Variants in ITGA8 observed in about 807,000 individuals in gnomAD.
ITGA8 encodes the protein integrin subunit alpha 8.
A neutral mutation model predicts 142.3 loss-of-function variants in ITGA8; 91 were observed. The observed-to-expected ratio is 0.64, with a 90% CI of 0.54 to 0.76. The LOEUF is 0.76. ITGA8 is among the 30% of genes least tolerant of loss of function. The pLI is 0.00. For synonymous variants in ITGA8, 505 were observed against 485.2 expected, an observed-to-expected ratio of 1.04 and a Z score of -0.54; for missense variants, 1,406 against 1,327.7, an observed-to-expected ratio of 1.06 and a Z score of -0.92.
intron 13 of ITGA8, among the ~76,000 whole-genome samples, chr10:15,625,258 C>T (rs1266926992): frequency 6.6e-6 from 1 of 152,180 alleles, no homozygotes; most frequent in Non-Finnish European, 1.5e-5. Flanking sequence ...CAAAAAATAA[C>T]AGCAGAATAT....
At chr10:15,548,312 C>CG (rs2131557598) in intron 27 of ITGA8, 143 bp downstream of exon 27, 1 of 626,384 alleles carries the variant, frequency 1.6e-6, no homozygotes, top group Admixed American at 3.6e-5. Context: ...AGGCTTGTCT[C>CG]GAGCTCCTGG....
chr10:15,647,449 G>GTT (rs71505078), intron 11 of ITGA8, among the ~76,000 whole-genome samples: 5,873 of 91,542 alleles, frequency 0.064, 356 homozygotes, highest in Non-Finnish European at 0.083. Context: ...AAATTATTCA[G>GTT]TTTTTTTTTT....
intron 14 of ITGA8, among the ~76,000 whole-genome samples, chr10:15,616,299 G>A (rs1160856467): frequency 3.9e-5 from 6 of 152,130 alleles, no homozygotes; most frequent in African/African-American, 7.2e-5. Flanking sequence ...CTTATTTAAT[G>A]TTATGTTCAT....
chr10:15,533,913 C>T (rs1833364331), intron 27 of ITGA8, among the ~76,000 whole-genome samples: 1 of 146,698 alleles, frequency 6.8e-6, no homozygotes, highest in African/African-American at 2.5e-5. Context: ...CATCACCAAT[C>T]TTTTTTTTTT....
rs67683436 is a variant in ITGA8, at chr10:15,549,201, G to GTTTTTTTTTTTTTTTTTTTTTTTTTT, written c.2767-659_2767-634dup. 2.8e-4 allele frequency among the ~76,000 whole-genome samples: 30 copies of GTTTTTTTTTTTTTTTTTTTTTTTTTT among 107,338 alleles called. 2 individuals carry two copies. Among genetic ancestry groups the GTTTTTTTTTTTTTTTTTTTTTTTTTT allele is most frequent in the African/African-American group, 5.4e-4 (10 of 18,674 alleles). 70.4% of individuals were successfully genotyped at this position (107,338 alleles called of 152,430 possible). The stretch of plus-strand genomic sequence containing the variant: ...TTCTTTCTTTTTTCTTTTCTTTTCT[G>GTTTTTTTTTTTTTTTTTTTTTTTTTT]TTTTTTTTTTTTTTTTTTTTTTTTT... On this transcript the variant is annotated intron_variant, in intron 26 of 29. Transcript: ENST00000378076.
chr10:15,622,487 G>C (rs1833507363), intron 13 of ITGA8, among the ~76,000 whole-genome samples: 1 of 151,906 alleles, frequency 6.6e-6, no homozygotes, highest in South Asian at 2.1e-4. Context: ...AAAACATTAT[G>C]ATTAATCAAA....
intron 15 of ITGA8, among the ~76,000 whole-genome samples, chr10:15,608,862 C>T (rs897667958): frequency 1.1e-4 from 16 of 152,046 alleles, no homozygotes; most frequent in Non-Finnish European, 2.1e-4. Context: ...ACTTAAAACA[C>T]CCACTCTGCT....
intron 2 of ITGA8, among the ~76,000 whole-genome samples, chr10:15,695,852 C>A (rs1325054261): frequency 2.0e-5 from 3 of 152,142 alleles, no homozygotes; most frequent in Non-Finnish European, 2.9e-5. Context: ...TCCAGCAGCT[C>A]CCACATATCC....
intron 11 of ITGA8, among the ~76,000 whole-genome samples, chr10:15,651,447 C>T (rs183712382): frequency 4.5e-4 from 69 of 152,178 alleles, no homozygotes; most frequent in African/African-American, 1.6e-3. Flanking sequence ...TTGCAGTCCA[C>T]TCAATCGTAC....
rs545222120 is a variant in ITGA8 at position 15,684,943 on chromosome 10, C to T, written c.445-816G>A. Among the ~76,000 whole-genome samples, 188 of 152,240 alleles carry T rather than the reference C, an allele frequency of 1.2e-3. 1 individual carries two copies. The highest frequency in any genetic ancestry group is 4.3e-3 in the African/African-American group (177 of 41,540). ...ACGCCCCCTAGTTTATCACGGAAGCCGCATCTTATGACTTTTAAACAATGA... is the reference window on the plus strand; with the variant it reads ...ACGCCCCCTAGTTTATCACGGAAGCTGCATCTTATGACTTTTAAACAATGA... On this transcript the variant is annotated intron_variant, in intron 3 of 29. Coordinates refer to ENST00000378076, the MANE Select transcript of ITGA8 (RefSeq NM_003638.3).
intron 13 of ITGA8, among the ~76,000 whole-genome samples, chr10:15,643,276 C>G (rs1242605233): frequency 1.3e-5 from 2 of 152,124 alleles, no homozygotes; most frequent in East Asian, 1.9e-4. Context: ...CAAAATATGG[C>G]TGGAAGAGAT....
rs548421333 is a variant in ITGA8, at chr10:15,619,377, A to G, written c.1400-2818T>C. Among the ~76,000 whole-genome samples, 133 of 152,328 alleles carry G rather than the reference A, an allele frequency of 8.7e-4. 4 individuals carry two copies. The South Asian group carries it at 0.027, about 31-fold the overall frequency. ...GTTTTATGGACACAGAATCAGATTCAGTTATTAGACTTGGAACTTGACTCC... is the reference window on the plus strand; with the variant it reads ...GTTTTATGGACACAGAATCAGATTCGGTTATTAGACTTGGAACTTGACTCC... On this transcript the variant is annotated intron_variant, in intron 13 of 29. Transcript: ENST00000378076.
intron 2 of ITGA8, among the ~76,000 whole-genome samples, chr10:15,717,888 A>C (rs566257474): frequency 3.4e-4 from 52 of 152,388 alleles, no homozygotes; most frequent in African/African-American, 1.3e-3. Context: ...TTAAAAATCA[A>C]AGAAATCAAG....
At position 15,719,803 on chromosome 10, in the gene ITGA8, A is replaced by T; in HGVS notation, c.-32T>A. On this transcript the variant is annotated 5_prime_UTR_variant, in exon 1 of 30. Coordinates refer to ENST00000378076, the MANE Select transcript of ITGA8 (RefSeq NM_003638.3). ...CCGCCCCGGTGGGTGGCTGCTACCC[A>T]GGAGCGCGAGCCGAGGACCCCTGCG... The T allele has an allele frequency of 7.5e-7, 1 of 1,324,604 alleles. No homozygotes were observed. Among genetic ancestry groups the T allele is most frequent in the Non-Finnish European group, 9.6e-7 (1 of 1,043,062 alleles). The allele number at this position is 1,324,604 out of a possible 1,614,324, so 82.1% of individuals were successfully genotyped here.
chr10:15,666,020 G>A (rs1398478369), intron 8 of ITGA8, among the ~76,000 whole-genome samples: 1 of 152,296 alleles, frequency 6.6e-6, no homozygotes, highest in Admixed American at 6.5e-5. Flanking sequence ...GGTTCCATAC[G>A]AACTTTAAAG....
chr10:15,661,591 T>C (rs1319464115), intron 8 of ITGA8, among the ~76,000 whole-genome samples: 1 of 152,224 alleles, frequency 6.6e-6, no homozygotes, highest in African/African-American at 2.4e-5. Flanking sequence ...ATCTGGCTTC[T>C]TGAGTCTGCG....
intron 28 of ITGA8, among the ~76,000 whole-genome samples, chr10:15,524,217 TTC>T (rs1267413756): frequency 6.6e-6 from 1 of 152,150 alleles, no homozygotes; most frequent in Non-Finnish European, 1.5e-5. Context: ...CCTTGTTGTT[TTC>T]CTAAACTTAT....
intron 13 of ITGA8, among the ~76,000 whole-genome samples, chr10:15,637,647 A>AACTGCAGGCAT (rs1833795957): frequency 6.6e-6 from 1 of 151,816 alleles, no homozygotes. Flanking sequence ...AAGTAGCTGG[A>AACTGCAGGCAT]ACTGCAGGCA....
At chr10:15,613,391 T>C (rs987930334) in intron 15 of ITGA8, among the ~76,000 whole-genome samples, 19 of 152,120 alleles carry the variant, frequency 1.2e-4, no homozygotes, top group African/African-American at 4.3e-4. Context: ...TCATCTCACC[T>C]AGAGCCTATA....
Sources: allele counts gnomAD v4.1 joint callset (sites outside exome capture counted in the v4.1 genomes callset), GRCh38; gene constraint gnomAD v4.1.1; transcripts MANE v1.5; gene names NCBI Gene and HGNC (gene_info 2026-07-23, HGNC 2026-07-21).